Variants in KAZN observed in about 807,000 individuals in gnomAD.
KAZN encodes the protein kazrin, periplakin interacting protein.
In KAZN, 40 loss-of-function variants were observed where a neutral mutation model predicts 87.4. The observed-to-expected ratio is 0.46, with a 90% CI of 0.36 to 0.60. The LOEUF (loss-of-function observed/expected upper bound fraction) is 0.60, where lower values mean the gene tolerates loss of function less well. Ranked by LOEUF, KAZN falls within the 20% of genes least tolerant of loss-of-function variation. KAZN has a pLI of 0.00. For synonymous variants in KAZN, 466 were observed against 458.3 expected, an observed-to-expected ratio of 1.02 and a Z score of -0.22; for missense variants, 898 against 1,073.9, an observed-to-expected ratio of 0.84 and a Z score of 2.29.
chr1:14,407,605 A>C (rs1305549898), intron 2 of KAZN, among the ~76,000 whole-genome samples: 1 of 152,178 alleles, frequency 6.6e-6, no homozygotes, highest in Non-Finnish European at 1.5e-5. Context: ...CCTGCCTGTG[A>C]GACCTTGAGC....
At chr1:14,159,461 C>T (rs559906263) in intron 1 of KAZN, among the ~76,000 whole-genome samples, 80 of 152,334 alleles carry the variant, frequency 5.3e-4, no homozygotes, top group African/African-American at 1.8e-3. Context: ...CTTTCATCAG[C>T]TTGTGGTGAA....
rs188076868 is a variant in KAZN at position 14,668,254 on chromosome 1, T to C, written c.226+69031T>C. ...TCAAAACTTTTCATGCAGGCCCCTTTCACTCTGGCCTGCTCTGTGGGAACC... is the reference window on the plus strand; with the variant it reads ...TCAAAACTTTTCATGCAGGCCCCTTCCACTCTGGCCTGCTCTGTGGGAACC... On this transcript the variant is annotated intron_variant, in intron 1 of 14. Coordinates refer to ENST00000376030, the MANE Select transcript of KAZN (RefSeq NM_201628.3). Among the ~76,000 whole-genome samples the C allele has an allele frequency of 1.0e-3, 159 of 152,334 alleles. 1 individual carries two copies. The highest frequency in any genetic ancestry group is 3.7e-3 in the African/African-American group (153 of 41,580).
chr1:13,923,396 A>T (rs1029636803), intron 1 of KAZN, among the ~76,000 whole-genome samples: 65 of 151,858 alleles, frequency 4.3e-4, no homozygotes, highest in Admixed American at 3.3e-4. Flanking sequence ...ACATGGTGAA[A>T]CCCCGTCTCT....
chr1:14,100,570 G>A (rs1255241875), intron 1 of KAZN, among the ~76,000 whole-genome samples: 1 of 152,230 alleles, frequency 6.6e-6, no homozygotes, highest in Admixed American at 6.5e-5. Context: ...GCAATGAGCT[G>A]TGACAATATG....
intron 1 of KAZN, among the ~76,000 whole-genome samples, chr1:14,903,877 C>A (rs1656202543): frequency 6.6e-6 from 1 of 152,306 alleles, no homozygotes. Flanking sequence ...TATAAGGGAG[C>A]AGCATGATTG....
At chr1:14,161,999 A>T (rs55701220) in intron 1 of KAZN, among the ~76,000 whole-genome samples, 2 of 152,102 alleles carry the variant, frequency 1.3e-5, no homozygotes, top group East Asian at 3.9e-4. Flanking sequence ...TGGGAAAATG[A>T]AAACCACACA....
intron 2 of KAZN, among the ~76,000 whole-genome samples, chr1:14,373,429 C>G (rs957941332): frequency 6.6e-5 from 10 of 152,218 alleles, no homozygotes; most frequent in Middle Eastern, 3.4e-3. Flanking sequence ...TCAAGTCAGG[C>G]AGAGAGACAG....
At chr1:14,879,600 G>A (rs114884027) in intron 1 of KAZN, among the ~76,000 whole-genome samples, 26 of 152,266 alleles carry the variant, frequency 1.7e-4, no homozygotes, top group Non-Finnish European at 3.5e-4. Flanking sequence ...AATGGCCTAC[G>A]AATAGACTCG....
At chr1:14,210,838 G>A (rs1011862642) in intron 2 of KAZN, among the ~76,000 whole-genome samples, 1 of 152,020 alleles carries the variant, frequency 6.6e-6, no homozygotes, top group African/African-American at 2.4e-5. Context: ...TTTAATGTGA[G>A]GCTTCATAAG....
intron 1 of KAZN, among the ~76,000 whole-genome samples, chr1:14,766,889 G>A (rs761387789): frequency 7.2e-5 from 11 of 151,936 alleles, no homozygotes; most frequent in Admixed American, 2.6e-4. Context: ...AACATTCAGT[G>A]CCCTTTAGCT....
At chr1:14,010,762 A>G (rs1640258044) in intron 1 of KAZN, among the ~76,000 whole-genome samples, 1 of 152,224 alleles carries the variant, frequency 6.6e-6, no homozygotes, top group Non-Finnish European at 1.5e-5. Flanking sequence ...TCAAAGCCCA[A>G]AAGGATCTGA....
In KAZN at chr1:14,446,309, T is replaced by G. The variant is rs183082105; in HGVS notation, c.250-152674T>G. Among the ~76,000 whole-genome samples the G allele has an allele frequency of 2.6e-5, 4 of 152,268 alleles. No individual in the cohort carries two copies. In the East Asian group the frequency reaches 7.7e-4, roughly 29 times the overall value. On this transcript the variant is annotated intron_variant, in intron 2 of 16. Coordinates refer to the KAZN transcript ENST00000636203. ...ATTAAAAAATAATTGAATCCCACCC[T>G]AGATACCTTATTCCAAGCCCAGTGA... is the stretch of plus-strand genomic sequence containing the variant.
At chr1:14,824,060 G>A (rs1455060515) in intron 1 of KAZN, among the ~76,000 whole-genome samples, 3 of 150,542 alleles carry the variant, frequency 2.0e-5, no homozygotes, top group Non-Finnish European at 4.4e-5. Context: ...GTTGCAGTGA[G>A]CCGAGATTGC....
At position 14,299,396 on chromosome 1, in the gene KAZN, G is replaced by C. The variant is rs114758503; in HGVS notation, c.249+118804G>C. ...CATGCACCTGTAATCGCATCTACCT[G>C]GGAGGCTGAGGCAGGAGAATTGTTT... On this transcript the variant is annotated intron_variant, in intron 2 of 16. Coordinates refer to the KAZN transcript ENST00000636203. Among the ~76,000 whole-genome samples, 86 of 152,152 alleles carry C rather than the reference G, an allele frequency of 5.7e-4. 1 individual carries two copies. Among genetic ancestry groups the C allele is most frequent in the African/African-American group, 2.1e-3 (86 of 41,486 alleles).
chr1:14,600,911 G>T (rs139059074), intron 1 of KAZN, among the ~76,000 whole-genome samples: 245 of 152,300 alleles, frequency 1.6e-3, no homozygotes, highest in Admixed American at 2.7e-3. Context: ...GCAGGCTAAG[G>T]CAGTCAACGC....
intron 2 of KAZN, among the ~76,000 whole-genome samples, chr1:14,528,023 CT>C (rs1442318518): frequency 1.3e-5 from 2 of 151,746 alleles, no homozygotes; most frequent in Admixed American, 6.6e-5. Flanking sequence ...ATCTATCTAT[CT>C]ATCTATCTAT....
intron 1 of KAZN, among the ~76,000 whole-genome samples, chr1:14,774,148 T>G (rs1645104105): frequency 6.6e-6 from 1 of 152,194 alleles, no homozygotes; most frequent in Admixed American, 6.5e-5. Flanking sequence ...TTCTCTTCTC[T>G]CTCACCCCTG....
At chr1:14,096,647 C>G (rs1212067074) in intron 1 of KAZN, among the ~76,000 whole-genome samples, 1 of 152,208 alleles carries the variant, frequency 6.6e-6, no homozygotes, top group Non-Finnish European at 1.5e-5. Context: ...CTCAGAACAA[C>G]CCTCAGAATA....
At chr1:15,071,042 T>G (rs1639482501) in intron 8 of KAZN, among the ~76,000 whole-genome samples, 1 of 152,146 alleles carries the variant, frequency 6.6e-6, no homozygotes, top group Non-Finnish European at 1.5e-5. Flanking sequence ...ATAGGGAACA[T>G]GTATCAGCTT....
Sources: allele counts gnomAD v4.1 joint callset (sites outside exome capture counted in the v4.1 genomes callset), GRCh38; gene constraint gnomAD v4.1.1; transcripts MANE v1.5; gene names NCBI Gene and HGNC (gene_info 2026-07-23, HGNC 2026-07-21).